The following LSS variants were observed in gnomAD, a reference collection of about 807,000 sequenced individuals.
LSS encodes lanosterol synthase.
Under a neutral mutation model 110.3 loss-of-function variants are expected in LSS, and 90 were observed. That is an observed-to-expected ratio of 0.82 (90% CI 0.69 to 0.97). The LOEUF (loss-of-function observed/expected upper bound fraction) is 0.97, where lower values mean the gene tolerates loss of function less well. LSS is among the 50% of genes least tolerant of loss of function. LSS has a pLI of 0.00. For missense variants in LSS, 927 were observed against 990.0 expected (o/e 0.94, Z 0.85); for synonymous variants, 433 against 400.0 (o/e 1.08, Z -0.98).
At position 46,197,802 on chromosome 21, in the gene LSS, T is replaced by A. The variant is rs1013800331; in HGVS notation, c.1671-1535A>T. On this transcript the variant is annotated intron_variant, in intron 17 of 21. Transcript: ENST00000397728. ...TACTCGGGAGGCTGAGGCAGGAGAA[T>A]GGCGTGAATCCGGGAGGCAGAGCTT... Among the ~76,000 whole-genome samples, 4 of 151,368 alleles carry A rather than the reference T, an allele frequency of 2.6e-5. No homozygotes were observed. The East Asian group carries it at 7.8e-4, about 30-fold the overall frequency.
intron 20 of LSS, chr21:46,192,362 C>T: frequency 2.5e-6 from 1 of 406,132 alleles, no homozygotes; most frequent in East Asian, 6.8e-5. Context: ...CCCAGCTCAA[C>T]TGTGGGTCCC....
At chr21:46,203,296 G>A (rs757759391) in intron 17 of LSS, among the ~76,000 whole-genome samples, 2 of 152,206 alleles carry the variant, frequency 1.3e-5, no homozygotes, top group African/African-American at 2.4e-5. Context: ...ATAACCCAGA[G>A]GCTACTGAGT....
intron 20 of LSS, 70 bp from the exon 21 acceptor site, chr21:46,192,029 G>A: frequency 1.7e-6 from 2 of 1,193,110 alleles, no homozygotes; most frequent in Non-Finnish European, 2.5e-6. Flanking sequence ...CCCTCACACA[G>A]CCGAGCATAA....
At chr21:46,208,497 C>T (rs917240770) in intron 13 of LSS, among the ~76,000 whole-genome samples, 196 bp from the exon 14 acceptor site, 1 of 152,260 alleles carries the variant, frequency 6.6e-6, no homozygotes, top group African/African-American at 2.4e-5. Flanking sequence ...CCACCCACAG[C>T]TGCTGGGAAA....
chr21:46,221,106 C>T (rs2080273978), intron 5 of LSS, among the ~76,000 whole-genome samples: 1 of 141,144 alleles, frequency 7.1e-6, no homozygotes, highest in African/African-American at 2.7e-5. Context: ...CAACCCGGGG[C>T]TTGGAGAGGT....
At position 46,195,597 on chromosome 21, in the gene LSS, A is replaced by G. The variant is rs1466974881; in HGVS notation, c.1817+79T>C. ...AAACAAACAAACAAACCCTAAAACCAAATGTCAAAGCAAAAAACACTCATG... is the reference window on the plus strand; with the variant it reads ...AAACAAACAAACAAACCCTAAAACCGAATGTCAAAGCAAAAAACACTCATG... On this transcript the variant is annotated intron_variant, in intron 19 of 21. Transcript: ENST00000397728. 44 of 1,318,432 alleles carry G rather than the reference A, an allele frequency of 3.3e-5. No individual in the cohort carries two copies. In the Admixed American group the frequency reaches 6.2e-4, roughly 19 times the overall value. 81.7% of individuals were successfully genotyped at this position (1,318,432 alleles called of 1,614,324 possible). A position where few individuals can be genotyped will look rare whatever the true frequency, so the allele number is the denominator to read the frequency against.
rs1220329361 is a variant in LSS at position 46,213,162 on chromosome 21, G to A, written c.1110-110C>T. On this transcript the variant is annotated intron_variant, in intron 10 of 21. Transcript: ENST00000397728. ...CCAGAGAGGCCGTCTGTCCCCTCCC[G>A]AGGCCTGGCACTGGCCTGGATGCCA... 40 of 1,053,202 alleles carry A rather than the reference G, an allele frequency of 3.8e-5. No individual in the cohort carries two copies. The East Asian group carries it at 7.5e-4, about 20-fold the overall frequency. The allele number at this position is 1,053,202 out of a possible 1,614,324, so 65.2% of individuals were successfully genotyped here.
At position 46,192,040 on chromosome 21, in the gene LSS, G is replaced by A; in HGVS notation, c.1989-81C>T. On this transcript the variant is annotated intron_variant, in intron 20 of 21. Coordinates refer to ENST00000397728, the MANE Select transcript of LSS (RefSeq NM_002340.6). ...CTCACCCTCACACAGCCGAGCATAA[G>A]GGCAAACCCTGGAATGCTGCAGTGA... 2.8e-6 allele frequency: 3 copies of A among 1,072,978 alleles called. No homozygotes were observed. The South Asian group carries it at 3.9e-5, about 14-fold the overall frequency. The allele number at this position is 1,072,978 out of a possible 1,614,324, so 66.5% of individuals were successfully genotyped here. A position where few individuals can be genotyped will look rare whatever the true frequency, so the allele number is the denominator to read the frequency against.
intron 11 of LSS, among the ~76,000 whole-genome samples, chr21:46,212,788 C>T (rs755084587): frequency 1.3e-5 from 2 of 152,200 alleles, no homozygotes; most frequent in African/African-American, 2.4e-5. Context: ...CCACTCAGAT[C>T]ATCAGGGCAA....
Position 46,194,492 on chromosome 21 carries a change from G to A in LSS, c.1987C>T (p.Arg663Trp), listed in dbSNP as rs926120411. The A allele has an allele frequency of 5.0e-6, 8 of 1,613,272 alleles. No individual in the cohort carries two copies. The highest frequency in any genetic ancestry group is 3.4e-6 in the Non-Finnish European group (4 of 1,180,002). The change falls in exon 20 of 22, where the codon CGG becomes TGG. Residue 663 changes from arginine (R) to tryptophan (W), a missense_variant and splice_region_variant. Physicochemically the swap from Arg to Trp is moderately radical, Grantham distance 101 (BLOSUM62 -3). Coordinates refer to ENST00000397728, the MANE Select transcript of LSS (RefSeq NM_002340.6). ...CWAMMGLMAV[R>W]HPDIEAQERG... ...CAGGGACGGTCCCGTCGTCCCCACC[G>A]AACGGCCATCAGCCCCATCATGGCC...
At position 46,207,476 on chromosome 21, in the gene LSS, A is replaced by G. The variant is rs761985120; in HGVS notation, c.1419T>C (p.His473=). 6.2e-7 allele frequency: 1 copy of G among 1,612,686 alleles called. No individual in the cohort carries two copies. Among genetic ancestry groups the G allele is most frequent in the Non-Finnish European group, 8.5e-7 (1 of 1,179,674 alleles). The change falls in exon 15 of 22, where the codon CAT becomes CAC. Residue 473 remains histidine (H), a synonymous_variant. Transcript: ENST00000397728. The part of the protein sequence containing the change: ...AVLLLQEKCP[H]VTEHIPRERL... ...GTTCTCTGGGGATGTGCTCGGTGAC[A>G]TGGGGACACTTCTCCTGCAGGAGCA...
chr21:46,190,838 C>T lies in LSS; in HGVS notation c.*266G>A, dbSNP rs575784881. The T allele has an allele frequency of 1.4e-4, 68 of 496,336 alleles. 2 individuals carry two copies. In the South Asian group the frequency reaches 1.5e-3, roughly 11 times the overall value. 30.7% of individuals were successfully genotyped at this position (496,336 alleles called of 1,614,324 possible). A position where few individuals can be genotyped will look rare whatever the true frequency, so the allele number is the denominator to read the frequency against. On this transcript the variant is annotated 3_prime_UTR_variant, in exon 22 of 22. Transcript: ENST00000397728. This position sits in a 1 kb window ranked among gnomAD's most constrained non-coding sequence, Gnocchi z 4.6. The stretch of plus-strand genomic sequence containing the variant: ...AGAGGTGGCAGAAGGCGCTGTGCCT[C>T]CTCAGGGGTCACGGCTCCTGTGCCC...
Position 46,189,635 on chromosome 21 carries a change from G to A in LSS, c.*1469C>T, listed in dbSNP as rs1257989860. On this transcript the variant is annotated 3_prime_UTR_variant, in exon 22 of 22. Transcript: ENST00000397728. The stretch of plus-strand genomic sequence containing the variant: ...GAGGGGTGCCCCTGAAGGACTCTGG[G>A]CAGGCAATGACAGGATCTGAGGGTG... 6.6e-6 allele frequency: 3 copies of A among 455,710 alleles called. No homozygotes were observed. Among genetic ancestry groups the A allele is most frequent in the Non-Finnish European group, 1.3e-5 (3 of 226,824 alleles). The allele number at this position is 455,710 out of a possible 1,614,324, so 28.2% of individuals were successfully genotyped here.
intron 19 of LSS, 131 bp from the exon 20 acceptor site, chr21:46,194,792 T>C (rs2123696341): frequency 2.4e-6 from 2 of 818,438 alleles, no homozygotes; most frequent in South Asian, 3.7e-5. Flanking sequence ...CTAAGGGCCA[T>C]GGGCCACTAC....
intron 14 of LSS, 123 bp downstream of exon 14, chr21:46,208,128 A>C: frequency 1.2e-6 from 1 of 835,288 alleles, no homozygotes; most frequent in East Asian, 2.7e-5. Flanking sequence ...ACAGCAGGAC[A>C]CCCAAAAACG....
At chr21:46,198,760 A>C (rs1015680760) in intron 17 of LSS, among the ~76,000 whole-genome samples, 2 of 151,362 alleles carry the variant, frequency 1.3e-5, no homozygotes, top group African/African-American at 4.9e-5. Flanking sequence ...ACAAAGAAAC[A>C]AAGGCAACAA....
intron 3 of LSS, 54 bp downstream of exon 3, chr21:46,227,497 TC>T (rs1243880626): frequency 6.2e-7 from 1 of 1,606,260 alleles, no homozygotes; most frequent in Non-Finnish European, 8.5e-7. Flanking sequence ...TGGGCCAGGA[TC>T]CCAAGGGTGA....
chr21:46,212,108 G>A (rs1380574193), intron 11 of LSS, among the ~76,000 whole-genome samples: 2 of 152,188 alleles, frequency 1.3e-5, no homozygotes, highest in Non-Finnish European at 2.9e-5. Context: ...CCTGCTCTAG[G>A]GCTTGCTACT....
chr21:46,219,431 G>C, intron 6 of LSS, 45 bp downstream of exon 6: 2 of 1,394,436 alleles, frequency 1.4e-6, no homozygotes, highest in Non-Finnish European at 1.9e-6. Context: ...TCTACTCCCC[G>C]GGACAGCAGC....
Sources: gnomAD v4.1 joint callset for allele counts (sites outside exome capture counted in the v4.1 genomes callset) on GRCh38, gnomAD v4.1.1 for gene constraint, Gnocchi (gnomAD v3.1) non-coding constraint, MANE v1.5 for transcripts, NCBI Gene and HGNC (gene_info 2026-07-23, HGNC 2026-07-21) for gene names.